Variants in PROM1 observed in about 807,000 individuals in gnomAD.
PROM1 encodes the protein prominin-1.
A neutral mutation model predicts 116.9 loss-of-function variants in PROM1; 105 were observed. The ratio of observed to expected loss-of-function variants is 0.90; its 90% CI spans 0.77 to 1.06. PROM1 has a LOEUF of 1.06. Among genes scored for constraint, PROM1 ranks in the 50% least tolerant of loss-of-function variants. The pLI, the probability that PROM1 is intolerant of heterozygous loss-of-function variation, is 0.00. For missense variants in PROM1, 1,122 were observed against 1,045.2 expected (o/e 1.07, Z -1.01); for synonymous variants, 393 against 387.0 (o/e 1.02, Z -0.18).
chr4:15,988,909 G>A (rs562970184), intron 19 of PROM1, among the ~76,000 whole-genome samples: 3 of 152,264 alleles, frequency 2.0e-5, no homozygotes, highest in East Asian at 1.9e-4. Flanking sequence ...TGGGATGTTC[G>A]GATGTTTGGA....
At chr4:16,019,708 A>G (rs996407828) in intron 8 of PROM1, among the ~76,000 whole-genome samples, 1 of 152,224 alleles carries the variant, frequency 6.6e-6, no homozygotes, top group Admixed American at 6.5e-5. Flanking sequence ...TTCTAAGCAA[A>G]TAAATCTTCT....
At chr4:15,979,038 A>G (rs139809243) in intron 26 of PROM1, among the ~76,000 whole-genome samples, 4,590 of 152,060 alleles carry the variant, frequency 0.03, 103 homozygotes, top group Non-Finnish European at 0.048. Context: ...AAGGAAAGAA[A>G]GAAGGAAGGA....
At chr4:15,996,041 A>G (rs1722238887) in intron 15 of PROM1, among the ~76,000 whole-genome samples, 1 of 152,236 alleles carries the variant, frequency 6.6e-6, no homozygotes, top group East Asian at 1.9e-4. Context: ...TAAAATAATA[A>G]AAGTAGTTAG....
intron 15 of PROM1, among the ~76,000 whole-genome samples, chr4:15,997,604 C>A (rs1722659327): frequency 1.3e-5 from 2 of 152,034 alleles, no homozygotes; most frequent in Admixed American, 6.6e-5. Context: ...AGTCTACAGG[C>A]ACATGCCACC....
chr4:15,979,010 AGAAGGAAGGAAG>A (rs3839177), intron 26 of PROM1, among the ~76,000 whole-genome samples: 2 of 148,324 alleles, frequency 1.3e-5, no homozygotes, highest in Non-Finnish European at 3.0e-5. Context: ...AAGGAAGGAA[AGAAGGAAGGAAG>A]GAAGGAAGGA....
chr4:15,989,619 T>G, intron 19 of PROM1, 113 bp downstream of exon 19: 1 of 896,828 alleles, frequency 1.1e-6, no homozygotes. Context: ...CTGAAGCCAG[T>G]CAGCTGGGAC....
At chr4:16,076,152 A>G (rs1389672476) in intron 1 of PROM1, 34 bp from the exon 2 acceptor site, 2 of 689,824 alleles carry the variant, frequency 2.9e-6, no homozygotes, top group Non-Finnish European at 4.4e-6. Context: ...AGAGTCATCA[A>G]TGCGTGTAAA....
At chr4:15,969,989 T>C (rs751648951) in intron 27 of PROM1, among the ~76,000 whole-genome samples, 1 of 152,082 alleles carries the variant, frequency 6.6e-6, no homozygotes, top group Non-Finnish European at 1.5e-5. Flanking sequence ...ATTTTCCAAG[T>C]TGGAGTGCAT....
intron 13 of PROM1, 115 bp downstream of exon 13, chr4:16,006,423 C>T: frequency 3.9e-6 from 5 of 1,279,108 alleles, no homozygotes; most frequent in South Asian, 1.7e-5. Context: ...GACCTGGGAG[C>T]TGGAACCCCG....
At chr4:15,980,697 C>A (rs1359161229) in intron 23 of PROM1, among the ~76,000 whole-genome samples, 160 bp from the exon 24 acceptor site, 7 of 149,300 alleles carry the variant, frequency 4.7e-5, no homozygotes, top group African/African-American at 1.7e-4. Flanking sequence ...GTGGACCAGG[C>A]ACTGTGTGAA....
At chr4:16,077,936 T>G (rs1038470860) in intron 1 of PROM1, among the ~76,000 whole-genome samples, 1 of 152,192 alleles carries the variant, frequency 6.6e-6, no homozygotes, top group African/African-American at 2.4e-5. Flanking sequence ...TGGCCTCAAG[T>G]CTAGGGACCA....
At chr4:16,071,950 G>A (rs1007153652) in intron 2 of PROM1, among the ~76,000 whole-genome samples, 2 of 152,134 alleles carry the variant, frequency 1.3e-5, no homozygotes, top group Non-Finnish European at 2.9e-5. Flanking sequence ...GAATGAACAA[G>A]AGACTCTTCT....
chr4:15,997,335 G>A (rs1435086204), intron 15 of PROM1, among the ~76,000 whole-genome samples: 1 of 143,460 alleles, frequency 7.0e-6, no homozygotes, highest in African/African-American at 2.6e-5. Context: ...TATATGAAAT[G>A]CATTTCTCTT....
intron 3 of PROM1, 118 bp downstream of exon 3, chr4:16,038,825 CAAA>C: frequency 9.7e-7 from 1 of 1,025,740 alleles, no homozygotes; most frequent in Non-Finnish European, 1.3e-6. Context: ...AGTTCTTAGT[CAAA>C]AAAGATTACT....
intron 2 of PROM1, among the ~76,000 whole-genome samples, chr4:16,056,480 T>C (rs142401967): frequency 6.6e-6 from 1 of 152,144 alleles, no homozygotes; most frequent in Admixed American, 6.5e-5. Flanking sequence ...ATCAATAGTG[T>C]TCCCCTCTTC....
intron 14 of PROM1, among the ~76,000 whole-genome samples, chr4:15,998,941 G>A (rs575619865): frequency 3.3e-5 from 5 of 152,118 alleles, no homozygotes; most frequent in African/African-American, 1.2e-4. Context: ...TGTTGGCCAG[G>A]CTGATCTTGA....
chr4:15,976,185 G>T (rs558156928), intron 26 of PROM1: 2 of 455,484 alleles, frequency 4.4e-6, no homozygotes, highest in African/African-American at 4.0e-5. Flanking sequence ...AATCTAGTTC[G>T]AATTTCAACA....
At position 15,987,699 on chromosome 4, in the gene PROM1, G is replaced by T. The variant is rs199727800; in HGVS notation, c.2094C>A (p.Ser698Arg). Residue 698 changes from serine to arginine, a missense_variant, in exon 20 of 28, where the codon AGC becomes AGA. Transcript: ENST00000447510. ...IEQSLSTLYQSVKILQRTGNG... is the reference protein window; with the variant it reads ...IEQSLSTLYQRVKILQRTGNG... The stretch of plus-strand genomic sequence containing the variant: ...TCCCTGTGCGTTGAAGTATCTTGAC[G>T]CTTTGGTATAGAGTGCTCTGGCAAG... 122 of 1,610,946 alleles carry T rather than the reference G, an allele frequency of 7.6e-5. 1 individual carries two copies. In the Middle Eastern group the frequency reaches 1.7e-3, roughly 22 times the overall value.
chr4:15,988,739 C>G (rs1200771098), intron 19 of PROM1, among the ~76,000 whole-genome samples: 1 of 152,130 alleles, frequency 6.6e-6, no homozygotes, highest in Non-Finnish European at 1.5e-5. Context: ...AAAATGTTAA[C>G]AAATTTGTGT....
Sources: allele counts gnomAD v4.1 joint callset (sites outside exome capture counted in the v4.1 genomes callset), GRCh38; gene constraint gnomAD v4.1.1; transcripts MANE v1.5; gene names NCBI Gene and HGNC (gene_info 2026-07-23, HGNC 2026-07-21).